Variants in ABHD3 observed in about 807,000 individuals in gnomAD.
ABHD3 encodes phospholipase ABHD3.
ABHD3 carries 46 observed loss-of-function variants against 48.8 expected under a neutral mutation model. That is an observed-to-expected ratio of 0.94 (90% CI 0.74 to 1.20). ABHD3 has a LOEUF of 1.20. Ranked by LOEUF, ABHD3 falls within the 50% of genes most tolerant of loss-of-function variation. The probability of loss-of-function intolerance (pLI) is 0.00; values close to 1 mark genes in which losing one functional copy is unlikely to be tolerated. For synonymous variants in ABHD3, 192 were observed against 183.7 expected, an observed-to-expected ratio of 1.04 and a Z score of -0.36; for missense variants, 490 against 497.8, an observed-to-expected ratio of 0.98 and a Z score of 0.15.
chr18:21,694,935 C>T (rs1265358503), intron 3 of ABHD3, among the ~76,000 whole-genome samples: 2 of 152,182 alleles, frequency 1.3e-5, no homozygotes, highest in Non-Finnish European at 2.9e-5. Flanking sequence ...CTCAGCGGCA[C>T]GAGCTGCTAG....
chr18:21,661,474 T>C (rs1313861763), intron 5 of ABHD3, among the ~76,000 whole-genome samples: 5 of 151,720 alleles, frequency 3.3e-5, no homozygotes, highest in Admixed American at 2.0e-4. Context: ...CTACTAAAAA[T>C]ACAAATATTA....
chr18:21,660,600 T>G (rs2039469910), intron 5 of ABHD3, among the ~76,000 whole-genome samples: 1 of 152,336 alleles, frequency 6.6e-6, no homozygotes, highest in Non-Finnish European at 1.5e-5. Context: ...CATTATATTT[T>G]TTGTACTTGA....
At chr18:21,683,661 T>C (rs2040060237) in intron 4 of ABHD3, 1 of 261,032 alleles carries the variant, frequency 3.8e-6, no homozygotes, top group Admixed American at 5.1e-5. Flanking sequence ...AGAATCTTAA[T>C]TTTTATAAAA....
At chr18:21,700,328 G>A (rs917528586) in intron 3 of ABHD3, among the ~76,000 whole-genome samples, 1 of 152,218 alleles carries the variant, frequency 6.6e-6, no homozygotes, top group Admixed American at 6.5e-5. Flanking sequence ...CTGACCTTGT[G>A]ATCTGTCCGC....
Position 21,651,469 on chromosome 18 carries a change from T to C in ABHD3, c.*122A>G. ...CTAAAAAGTAGTTTTTGCATATCAT[T>C]CTGGACCTCTTCACCCATCTGCTGG... is the stretch of plus-strand genomic sequence containing the variant. On this transcript the variant is annotated 3_prime_UTR_variant, in exon 9 of 9. Transcript: ENST00000289119. The C allele has an allele frequency of 8.7e-7, 1 of 1,149,686 alleles. No homozygotes were observed. Among genetic ancestry groups the C allele is most frequent in the Non-Finnish European group, 1.2e-6 (1 of 821,408 alleles). The allele number at this position is 1,149,686 out of a possible 1,614,324, so 71.2% of individuals were successfully genotyped here.
intron 4 of ABHD3, among the ~76,000 whole-genome samples, chr18:21,679,591 C>T (rs1432057244): frequency 1.3e-5 from 2 of 152,152 alleles, no homozygotes; most frequent in South Asian, 2.1e-4. Flanking sequence ...TGCAGTGGCA[C>T]GATCTGGGCT....
intron 6 of ABHD3, among the ~76,000 whole-genome samples, chr18:21,657,804 G>A (rs919540296): frequency 7.9e-5 from 12 of 152,028 alleles, no homozygotes; most frequent in African/African-American, 1.7e-4. Context: ...ATAGCATTGC[G>A]TGCCTGTATC....
intron 3 of ABHD3, among the ~76,000 whole-genome samples, chr18:21,684,958 A>G (rs896226701): frequency 1.3e-5 from 2 of 152,236 alleles, no homozygotes; most frequent in African/African-American, 2.4e-5. Context: ...TGGCTCAAGT[A>G]AGTACTCGGT....
chr18:21,670,234 G>GATGC (rs34829103), intron 4 of ABHD3, among the ~76,000 whole-genome samples: 3,049 of 152,246 alleles, frequency 0.02, 44 homozygotes, highest in Non-Finnish European at 0.032. Flanking sequence ...CAGTCACAGA[G>GATGC]ATGCAGGAAG....
chr18:21,669,015 C>T (rs949991609), intron 4 of ABHD3, among the ~76,000 whole-genome samples: 9 of 152,024 alleles, frequency 5.9e-5, no homozygotes, highest in African/African-American at 2.2e-4. Flanking sequence ...TTGAGCCCAG[C>T]AGTTGAGAGC....
chr18:21,659,401 C>A, intron 5 of ABHD3, 58 bp from the exon 6 acceptor site: 2 of 1,502,036 alleles, frequency 1.3e-6, no homozygotes, highest in South Asian at 1.3e-5. Context: ...CAGAAGACAT[C>A]CATTTCTAAC....
intron 8 of ABHD3, 44 bp from the exon 9 acceptor site, chr18:21,651,807 G>C (rs1377388647): frequency 2.4e-3 from 3,082 of 1,269,556 alleles, no homozygotes; most frequent in Non-Finnish European, 3.0e-3. Context: ...AAGAAGGAGA[G>C]AGAAAAATAT....
intron 3 of ABHD3, among the ~76,000 whole-genome samples, chr18:21,690,416 A>G (rs1326950992): frequency 6.6e-6 from 1 of 152,054 alleles, no homozygotes; most frequent in Non-Finnish European, 1.5e-5. Context: ...AGCCTGGCCA[A>G]CATGGTGAAA....
chr18:21,663,674 C>T, intron 5 of ABHD3: 12 of 1,535,346 alleles, frequency 7.8e-6, no homozygotes, highest in African/African-American at 1.4e-5. Flanking sequence ...AAACAAAATA[C>T]CACCTGGGGA....
chr18:21,674,993 A>T (rs1165803978), intron 4 of ABHD3, among the ~76,000 whole-genome samples: 1 of 152,092 alleles, frequency 6.6e-6, no homozygotes, highest in Non-Finnish European at 1.5e-5. Flanking sequence ...GCTTCCATGG[A>T]AAAGCTAGTA....
At chr18:21,690,532 G>A (rs1031670524) in intron 3 of ABHD3, among the ~76,000 whole-genome samples, 2 of 152,010 alleles carry the variant, frequency 1.3e-5, no homozygotes, top group African/African-American at 4.8e-5. Context: ...AACCCAGGAG[G>A]CGGAGCTTGC....
intron 8 of ABHD3, 36 bp downstream of exon 8, chr18:21,656,825 T>G: frequency 6.6e-7 from 1 of 1,509,114 alleles, no homozygotes; most frequent in Non-Finnish European, 8.9e-7. Flanking sequence ...TAAAAGTTGA[T>G]TCATGTCAAA....
At chr18:21,659,732 G>A (rs374753876) in intron 5 of ABHD3, among the ~76,000 whole-genome samples, 23 of 151,666 alleles carry the variant, frequency 1.5e-4, no homozygotes, top group Admixed American at 1.1e-3. Context: ...GCAGTGGTGC[G>A]ATCTCGGCTC....
chr18:21,666,059 T>G (rs1204694838), intron 4 of ABHD3, among the ~76,000 whole-genome samples: 2 of 152,192 alleles, frequency 1.3e-5, no homozygotes, highest in Non-Finnish European at 2.9e-5. Flanking sequence ...TGAGATGGAT[T>G]CTTGCTCTGT....
Sources: gnomAD v4.1 joint callset for allele counts (sites outside exome capture counted in the v4.1 genomes callset) on GRCh38, gnomAD v4.1.1 for gene constraint, MANE v1.5 for transcripts, NCBI Gene and HGNC (gene_info 2026-07-23, HGNC 2026-07-21) for gene names.